Variants in GLI3 observed in about 807,000 individuals in gnomAD.
GLI3 encodes the protein GLI family zinc finger 3.
In GLI3, 20 loss-of-function variants were observed where a neutral mutation model predicts 100.8. The ratio of observed to expected loss-of-function variants is 0.20; its 90% CI spans 0.14 to 0.29. The LOEUF (loss-of-function observed/expected upper bound fraction) is 0.29, where lower values mean the gene tolerates loss of function less well. GLI3 is among the 10% of genes least tolerant of loss of function. The pLI is 1.00. For synonymous variants in GLI3, 938 were observed against 860.5 expected, an observed-to-expected ratio of 1.09 and a Z score of -1.58; for missense variants, 2,040 against 2,128.5, an observed-to-expected ratio of 0.96 and a Z score of 0.82.
rs1358007801 is a variant in GLI3 at position 41,962,321 on chromosome 7, T to C, written c.*2009A>G. 1 of 152,240 alleles carries C rather than the reference T, an allele frequency of 6.6e-6. No individual in the cohort carries two copies. Among genetic ancestry groups the C allele is most frequent in the Non-Finnish European group, 1.5e-5 (1 of 68,052 alleles). The allele number at this position is 152,240 out of a possible 1,614,324, so 9.4% of individuals were successfully genotyped here. ...CAAGATAAGACTGGAGATTTGGAGA[T>C]TTGTGGAAAAGTGAGACTGGATCTC... On this transcript the variant is annotated 3_prime_UTR_variant, in exon 15 of 15. Transcript: ENST00000395925.
chr7:42,163,806 T>C (rs952958965), intron 2 of GLI3, among the ~76,000 whole-genome samples: 3 of 152,230 alleles, frequency 2.0e-5, no homozygotes, highest in African/African-American at 7.2e-5. Flanking sequence ...TCTCTCTTTT[T>C]GACTTTGTCT....
chr7:42,048,967 A>G lies in GLI3; in HGVS notation c.474-271T>C, dbSNP rs76237568. Among the ~76,000 whole-genome samples, 1,062 of 152,308 alleles carry G rather than the reference A, an allele frequency of 7.0e-3. 6 individuals carry two copies. Among genetic ancestry groups the G allele is most frequent in the Middle Eastern group, 0.02 (6 of 294 alleles). On this transcript the variant is annotated intron_variant, in intron 4 of 14. Transcript: ENST00000395925. Reference sequence around the variant, plus strand: ...AAAATAGTAAAATAAAGGTCAACCTATGGCTTCTTCCATGAGAAGAAATTC... The same window carrying G: ...AAAATAGTAAAATAAAGGTCAACCTGTGGCTTCTTCCATGAGAAGAAATTC...
chr7:42,193,521 T>A (rs1787869279), intron 2 of GLI3, among the ~76,000 whole-genome samples: 1 of 152,158 alleles, frequency 6.6e-6, no homozygotes, highest in Non-Finnish European at 1.5e-5. Context: ...TGAGAGAAAA[T>A]TAAAAGTCTC....
intron 10 of GLI3, among the ~76,000 whole-genome samples, chr7:41,986,158 T>C (rs1787817387): frequency 1.3e-5 from 2 of 152,332 alleles, no homozygotes; most frequent in East Asian, 3.9e-4. Flanking sequence ...ATTTCTGATT[T>C]GTGAATATTA....
At chr7:42,249,220 AC>A (rs1789006590) in intron 1 of GLI3, among the ~76,000 whole-genome samples, 2 of 152,176 alleles carry the variant, frequency 1.3e-5, no homozygotes, top group South Asian at 2.1e-4. Context: ...ATCCACATGA[AC>A]TATTGCGCTC....
intron 1 of GLI3, among the ~76,000 whole-genome samples, chr7:42,257,260 T>G (rs1471948215): frequency 2.0e-5 from 3 of 151,424 alleles, no homozygotes; most frequent in African/African-American, 7.3e-5. Flanking sequence ...TTTTTCTTTC[T>G]TTTTTTTTCT....
chr7:42,174,637 A>G (rs1428377692), intron 2 of GLI3, among the ~76,000 whole-genome samples: 1 of 152,150 alleles, frequency 6.6e-6, no homozygotes, highest in Non-Finnish European at 1.5e-5. Context: ...ACTGAAGCAC[A>G]TTTCGGTTCA....
rs141327852 is a variant in GLI3 at position 41,972,958 on chromosome 7, TTGATGA to T, written c.1813-337_1813-332del. 1.3e-5 allele frequency among the ~76,000 whole-genome samples: 2 copies of T among 151,798 alleles called. No homozygotes were observed. Among genetic ancestry groups the T allele is most frequent in the African/African-American group, 4.8e-5 (2 of 41,280 alleles). On this transcript the variant is annotated intron_variant, in intron 12 of 14. Coordinates refer to ENST00000395925, the MANE Select transcript of GLI3 (RefSeq NM_000168.6). The surrounding 1 kb of genome is among the most constrained non-coding windows in gnomAD (Gnocchi z 4.4). The stretch of plus-strand genomic sequence containing the variant: ...GCCATAATAGGCACTCAATAGATAT[TTGATGA>T]TGATGATGATGATGATGACGATGAC...
chr7:42,052,016 G>A (rs543195743), intron 4 of GLI3, among the ~76,000 whole-genome samples: 1 of 152,192 alleles, frequency 6.6e-6, no homozygotes, highest in Admixed American at 6.5e-5. Context: ...CCCAACCCCA[G>A]GAAACCACTC....
chr7:42,178,450 C>A (rs1787525477), intron 2 of GLI3, among the ~76,000 whole-genome samples: 2 of 152,178 alleles, frequency 1.3e-5, no homozygotes, highest in Admixed American at 1.3e-4. Flanking sequence ...CCACTCCCAC[C>A]ACCTACAGAA....
intron 7 of GLI3, among the ~76,000 whole-genome samples, chr7:42,029,286 G>A (rs773004142): frequency 6.6e-6 from 1 of 152,234 alleles, no homozygotes; most frequent in Non-Finnish European, 1.5e-5. Context: ...GATGACAAAA[G>A]TAGAAAGTTC....
At chr7:42,241,914 A>G (rs901427420), upstream of GLI3, among the ~76,000 whole-genome samples, 6 of 152,192 alleles carry the variant, frequency 3.9e-5, no homozygotes, top group Non-Finnish European at 8.8e-5. Flanking sequence ...GATTTTACTC[A>G]TCATTTAGGC....
intron 10 of GLI3, among the ~76,000 whole-genome samples, chr7:42,012,330 T>G (rs151194656): frequency 6.2e-4 from 94 of 152,290 alleles, no homozygotes; most frequent in African/African-American, 2.2e-3. Context: ...GCCAAACTAC[T>G]GTAAAAGGCA....
At chr7:42,020,590 G>GT (rs773062111) in intron 10 of GLI3, among the ~76,000 whole-genome samples, 6 of 152,166 alleles carry the variant, frequency 3.9e-5, no homozygotes, top group Non-Finnish European at 8.8e-5. Flanking sequence ...CCTCTTGGTT[G>GT]TATGTGGCAT....
chr7:42,134,332 T>A (rs1227351890), intron 3 of GLI3, among the ~76,000 whole-genome samples: 1 of 152,134 alleles, frequency 6.6e-6, no homozygotes, highest in Non-Finnish European at 1.5e-5. Flanking sequence ...ATGAGAAACA[T>A]CTAGCGTTAA....
chr7:42,025,722 G>A (rs1789092400), intron 8 of GLI3, among the ~76,000 whole-genome samples: 1 of 152,208 alleles, frequency 6.6e-6, no homozygotes, highest in Admixed American at 6.5e-5. Context: ...CGTTCCATTT[G>A]TGAAGTTCTT....
At chr7:42,092,043 A>G (rs1158844068) in intron 3 of GLI3, among the ~76,000 whole-genome samples, 1 of 152,258 alleles carries the variant, frequency 6.6e-6, no homozygotes, top group Non-Finnish European at 1.5e-5. Context: ...GGCCCAGGCA[A>G]CAGTGCGTGG....
In GLI3 at chr7:42,126,446, C is replaced by CA. The variant is rs142877071; in HGVS notation, c.367+21779dup. ...TCATTTCATTAAAGATTTCAGCCAG[C>CA]ATACAAGAATTCACAAGGTAGAAAA... On this transcript the variant is annotated intron_variant, in intron 3 of 14. Coordinates refer to ENST00000395925, the MANE Select transcript of GLI3 (RefSeq NM_000168.6). Among the ~76,000 whole-genome samples the CA allele has an allele frequency of 2.7e-3, 417 of 152,288 alleles. 1 individual carries two copies. Among genetic ancestry groups the CA allele is most frequent in the African/African-American group, 9.3e-3 (387 of 41,562 alleles).
At position 41,978,745 on chromosome 7, in the gene GLI3, T is replaced by C. The variant is rs766158252; in HGVS notation, c.1501A>G (p.Ile501Val). ...TCTCCATGAATATGGTCGTTATTTA[T>C]ATGCTGGGGTTTGGAAAAAGAGAGA... ...FDTQEQLVHH[I>V]NNDHIHGEKK... Residue 501 changes from isoleucine to valine, a missense_variant, in exon 11 of 15, where the codon ATA becomes GTA. This residue lies in a region of GLI3 where 603 missense variants were observed against 690.9 expected (regional missense o/e 0.87). Transcript: ENST00000395925. 2 of 1,613,630 alleles carry C rather than the reference T, an allele frequency of 1.2e-6. No individual in the cohort carries two copies. Among genetic ancestry groups the C allele is most frequent in the Non-Finnish European group, 1.7e-6 (2 of 1,179,632 alleles).
Sources: allele counts gnomAD v4.1 joint callset (sites outside exome capture counted in the v4.1 genomes callset), GRCh38; gene constraint gnomAD v4.1.1; regional missense constraint gnomAD v4.1.1; non-coding constraint Gnocchi (gnomAD v3.1); transcripts MANE v1.5; gene names NCBI Gene and HGNC (gene_info 2026-07-23, HGNC 2026-07-21).